Variants in GRB10 observed in about 807,000 individuals in gnomAD.
The protein encoded by GRB10 is growth factor receptor-bound protein 10.
Under a neutral mutation model 80.9 loss-of-function variants are expected in GRB10, and 20 were observed. That is an observed-to-expected ratio of 0.25 (90% CI 0.17 to 0.36). The LOEUF (loss-of-function observed/expected upper bound fraction) is 0.36. Among genes scored for constraint, GRB10 ranks in the 10% least tolerant of loss-of-function variants. The probability of loss-of-function intolerance (pLI) is 1.00; values close to 1 mark genes in which losing one functional copy is unlikely to be tolerated. For missense variants in GRB10, 548 were observed against 747.7 expected, an observed-to-expected ratio of 0.73 and a Z score of 3.12; for synonymous variants, 291 against 291.5, an observed-to-expected ratio of 1.00 and a Z score of 0.02.
intron 3 of GRB10, among the ~76,000 whole-genome samples, chr7:50,754,279 A>C (rs535656832): frequency 6.6e-6 from 1 of 152,350 alleles, no homozygotes; most frequent in East Asian, 1.9e-4. Flanking sequence ...ATCACTGGCC[A>C]CAAAGCGTGG....
intron 17 of GRB10, among the ~76,000 whole-genome samples, chr7:50,596,666 A>G (rs2046709013): frequency 6.6e-6 from 1 of 152,246 alleles, no homozygotes; most frequent in Non-Finnish European, 1.5e-5. Context: ...TTACACTGTA[A>G]TAATTCAGAC....
At chr7:50,683,466 G>C (rs2061754221) in intron 5 of GRB10, among the ~76,000 whole-genome samples, 1 of 152,248 alleles carries the variant, frequency 6.6e-6, no homozygotes, top group African/African-American at 2.4e-5. Flanking sequence ...GCTGGGAGCA[G>C]TGGCTCACGC....
At chr7:50,650,161 G>A (rs2057827092) in intron 7 of GRB10, among the ~76,000 whole-genome samples, 1 of 152,178 alleles carries the variant, frequency 6.6e-6, no homozygotes, top group African/African-American at 2.4e-5. Flanking sequence ...CACAAGCTGG[G>A]GTCGAAAACA....
chr7:50,785,559 T>C (rs2078658646), upstream of GRB10, among the ~76,000 whole-genome samples: 1 of 152,252 alleles, frequency 6.6e-6, no homozygotes, highest in Non-Finnish European at 1.5e-5. Context: ...TTCCCAGCAC[T>C]GTCTGGAGGA....
At chr7:50,639,571 G>A (rs1476518087) in intron 7 of GRB10, among the ~76,000 whole-genome samples, 8 of 152,180 alleles carry the variant, frequency 5.3e-5, no homozygotes, top group Admixed American at 2.0e-4. Context: ...TACTTGGGAG[G>A]CTGAGGCGGG....
At chr7:50,771,480 T>A (rs1467339884) in intron 2 of GRB10, among the ~76,000 whole-genome samples, 1 of 152,130 alleles carries the variant, frequency 6.6e-6, no homozygotes, top group African/African-American at 2.4e-5. Flanking sequence ...AAGGAAAATG[T>A]CATATGTCCA....
At position 50,709,860 on chromosome 7, in the gene GRB10, T is replaced by C. The variant is rs530583059; in HGVS notation, c.52-5952A>G. 1.2e-4 allele frequency among the ~76,000 whole-genome samples: 19 copies of C among 152,148 alleles called. No individual in the cohort carries two copies. In the South Asian group the frequency reaches 3.7e-3, roughly 30 times the overall value. ...AGCCAGAGCTGCTAAGTCAGGCCCA[T>C]GATGGGGGACCCAGGTGTCTATGTG... On this transcript the variant is annotated intron_variant, in intron 4 of 18. Coordinates refer to ENST00000401949, the MANE Select transcript of GRB10 (RefSeq NM_001350814.2).
At chr7:50,661,747 C>T (rs531457235) in intron 7 of GRB10, among the ~76,000 whole-genome samples, 6 of 152,254 alleles carry the variant, frequency 3.9e-5, no homozygotes, top group South Asian at 2.1e-4. Context: ...GGGGTCAGTG[C>T]GCCCCACATG....
At chr7:50,664,241 C>G (rs951230087) in intron 7 of GRB10, among the ~76,000 whole-genome samples, 1 of 152,212 alleles carries the variant, frequency 6.6e-6, no homozygotes, top group Non-Finnish European at 1.5e-5. Context: ...GGACAGCCCC[C>G]CTACAGGGTA....
chr7:50,596,255 G>A (rs1444867766), intron 17 of GRB10, among the ~76,000 whole-genome samples: 1 of 152,234 alleles, frequency 6.6e-6, no homozygotes. Context: ...TTACAGTGGA[G>A]AAATCCGGCC....
intron 7 of GRB10, among the ~76,000 whole-genome samples, chr7:50,663,105 G>C (rs939233469): frequency 3.1e-4 from 47 of 152,340 alleles, no homozygotes; most frequent in African/African-American, 1.1e-3. Flanking sequence ...AGGGCCCAGG[G>C]TGCATCCTCA....
intron 4 of GRB10, among the ~76,000 whole-genome samples, chr7:50,729,980 G>A (rs548525572): frequency 6.6e-6 from 1 of 152,182 alleles, no homozygotes; most frequent in African/African-American, 2.4e-5. Flanking sequence ...GCTTCTAAAG[G>A]ATGACCAGGC....
rs182150936 is a variant in GRB10, at chr7:50,601,449, A to G, written c.1544+2549T>C. ...CCCAGCAGTTTGGTGACAGAACCAT[A>G]GAGAAGAATTACTTTAAGTGACTTT... On this transcript the variant is annotated intron_variant, in intron 17 of 18. Transcript: ENST00000401949. 2.0e-5 allele frequency among the ~76,000 whole-genome samples: 3 copies of G among 152,366 alleles called. No homozygotes were observed. The East Asian group carries it at 5.8e-4, about 29-fold the overall frequency.
At chr7:50,607,536 A>G (rs542978240) in intron 13 of GRB10, among the ~76,000 whole-genome samples, 2 of 152,306 alleles carry the variant, frequency 1.3e-5, no homozygotes, top group Admixed American at 6.5e-5. Flanking sequence ...GAGTGCCACT[A>G]TGGGCTCAAT....
At chr7:50,705,106 T>C (rs780907510) in intron 4 of GRB10, 2 of 977,684 alleles carry the variant, frequency 2.0e-6, no homozygotes, top group Non-Finnish European at 2.4e-6. Context: ...TGAAATGGGA[T>C]GGATGCTCAC....
Position 50,767,461 on chromosome 7 carries a change from G to T in GRB10, c.-216-11405C>A, listed in dbSNP as rs73115454. ...GCCTCTTGTCATCTGCCTGCCCCAA[G>T]ACCATGCTCTCTGGCCACACGGTCA... On this transcript the variant is annotated intron_variant, in intron 2 of 18. Coordinates refer to ENST00000401949, the MANE Select transcript of GRB10 (RefSeq NM_001350814.2). 3.3e-3 allele frequency among the ~76,000 whole-genome samples: 496 copies of T among 152,262 alleles called. 1 individual carries two copies. The highest frequency in any genetic ancestry group is 5.3e-3 in the Non-Finnish European group (358 of 68,018).
chr7:50,656,133 G>A lies in GRB10; in HGVS notation c.504+13589C>T, dbSNP rs112278172. ...GGGCACAAGAGAGGAACAGAGGACA[G>A]TAAGGGCGTTATTTCCTGACTGTGT... is the stretch of plus-strand genomic sequence containing the variant. On this transcript the variant is annotated intron_variant, in intron 7 of 18. Transcript: ENST00000401949. Among the ~76,000 whole-genome samples the A allele has an allele frequency of 8.7e-3, 1,323 of 152,328 alleles. 23 individuals are homozygous for A. The highest frequency in any genetic ancestry group is 0.03 in the African/African-American group (1,240 of 41,564).
At chr7:50,720,677 A>G (rs1587454563) in intron 4 of GRB10, among the ~76,000 whole-genome samples, 1 of 152,198 alleles carries the variant, frequency 6.6e-6, no homozygotes, top group Non-Finnish European at 1.5e-5. Flanking sequence ...AAGACCAGAC[A>G]CTTCAATCAG....
intron 2 of GRB10, among the ~76,000 whole-genome samples, chr7:50,758,250 C>A (rs10258458): frequency 0.62 from 94,321 of 151,774 alleles, 32,070 homozygotes; most frequent in Middle Eastern, 0.87. Flanking sequence ...GAGAGTAGAC[C>A]AGCACACTTC....
Sources: gnomAD v4.1 joint callset for allele counts (sites outside exome capture counted in the v4.1 genomes callset) on GRCh38, gnomAD v4.1.1 for gene constraint, MANE v1.5 for transcripts, NCBI Gene and HGNC (gene_info 2026-07-23, HGNC 2026-07-21) for gene names.